ATXN3: variants seen among roughly 807,000 people sequenced by gnomAD.
The protein encoded by ATXN3 is ataxin 3, also known as ataxin-3.
In ATXN3, 28 loss-of-function variants were observed where a neutral mutation model predicts 58.2. That is an observed-to-expected ratio of 0.48 (90% CI 0.36 to 0.66). The LOEUF is 0.66. ATXN3 is among the 30% of genes least tolerant of loss of function. The pLI, the probability that ATXN3 is intolerant of heterozygous loss-of-function variation, is 0.00. For missense variants in ATXN3, 321 were observed against 422.1 expected (o/e 0.76, Z 2.10); for synonymous variants, 113 against 138.5 (o/e 0.82, Z 1.29).
Position 92,093,254 on chromosome 14 carries a change from G to T in ATXN3, c.385C>A (p.Gln129Lys), listed in dbSNP as rs1431792437. 4.7e-6 allele frequency: 7 copies of T among 1,491,050 alleles called. No homozygotes were observed. Among genetic ancestry groups the T allele is most frequent in the Non-Finnish European group, 6.5e-6 (7 of 1,080,204 alleles). 92.4% of individuals were successfully genotyped at this position (1,491,050 alleles called of 1,614,324 possible). ...HWFTVRKLGK[Q>K]WFNLNSLLTG... ...CAAGGAAGGGTAAGAAATGTTACCTGTTTTCCTAATTTTCTAACTGTAAAC... is the reference window on the plus strand; with the variant it reads ...CAAGGAAGGGTAAGAAATGTTACCTTTTTTCCTAATTTTCTAACTGTAAAC... The change falls in exon 5 of 11, where the codon CAG becomes AAG. Residue 129 changes from glutamine (Q) to lysine (K), a missense_variant and splice_region_variant. Transcript: ENST00000644486.
At chr14:92,105,958 G>T (rs992255034) in intron 1 of ATXN3, among the ~76,000 whole-genome samples, 1 of 152,120 alleles carries the variant, frequency 6.6e-6, no homozygotes, top group East Asian at 1.9e-4. Context: ...CTTCCTAAAT[G>T]TCAGGCCCTA....
chr14:92,082,581 C>T, intron 7 of ATXN3, 115 bp from the exon 8 acceptor site: 1 of 960,344 alleles, frequency 1.0e-6, no homozygotes, highest in Non-Finnish European at 1.5e-6. Context: ...TGTTTTCTGG[C>T]AAATAAGCTC....
chr14:92,065,797 CG>C (rs2058285642), intron 10 of ATXN3, among the ~76,000 whole-genome samples: 1 of 152,114 alleles, frequency 6.6e-6, no homozygotes, highest in African/African-American at 2.4e-5. Flanking sequence ...AGGAGAATGG[CG>C]TGAACCCGGG....
At position 92,096,766 on chromosome 14, in the gene ATXN3, A is replaced by G. The variant is rs1384473668; in HGVS notation, c.97T>C (p.Leu33=). 1 of 1,614,078 alleles carries G rather than the reference A, an allele frequency of 6.2e-7. No individual in the cohort carries two copies. The highest frequency in any genetic ancestry group is 1.3e-5 in the African/African-American group (1 of 75,056). The change falls in exon 2 of 11, where the codon TTA becomes CTA. Residue 33 remains leucine, a synonymous_variant. Coordinates refer to ENST00000644486, the MANE Select transcript of ATXN3 (RefSeq NM_004993.6). ...TCCAGCTGATGTGCAATTGAGGATA[A>G]TTCCACAGGGCTAAAATATTCTCCT... ...LQGEYFSPVE[L]SSIAHQLDEE...
intron 1 of ATXN3, among the ~76,000 whole-genome samples, chr14:92,048,376 G>A (rs893541375): frequency 2.6e-5 from 4 of 152,194 alleles, no homozygotes; most frequent in Admixed American, 2.6e-4. Flanking sequence ...CCTGTTGTGG[G>A]GTTTGAGGGC....
At chr14:92,045,427 G>A (rs1330412055) in intron 2 of ATXN3, among the ~76,000 whole-genome samples, 1 of 152,194 alleles carries the variant, frequency 6.6e-6, no homozygotes, top group Non-Finnish European at 1.5e-5. Flanking sequence ...CTCAGACCCT[G>A]TGGGAAAGGC....
chr14:92,106,377 G>C, intron 1 of ATXN3, 152 bp downstream of exon 1: 1 of 962,642 alleles, frequency 1.0e-6, no homozygotes, highest in Non-Finnish European at 1.6e-6. Context: ...TCCTCGAGCC[G>C]AGGAGGCGGG....
rs1217789796 is a variant in ATXN3 at position 92,058,827 on chromosome 14, T to A, written c.*5493A>T. The stretch of plus-strand genomic sequence containing the variant: ...CAACAATGCTTTTTGTTTCAGATAT[T>A]TTCTGTACTTGAATTTCAAATATTT... On this transcript the variant is annotated 3_prime_UTR_variant, in exon 11 of 11. Coordinates refer to ENST00000644486, the MANE Select transcript of ATXN3 (RefSeq NM_004993.6). 1.3e-5 allele frequency: 2 copies of A among 152,204 alleles called. No individual in the cohort carries two copies. Among genetic ancestry groups the A allele is most frequent in the African/African-American group, 4.8e-5 (2 of 41,450 alleles). 9.4% of individuals were successfully genotyped at this position (152,204 alleles called of 1,614,324 possible). A position where few individuals can be genotyped will look rare whatever the true frequency, so the allele number is the denominator to read the frequency against.
At chr14:92,048,335 T>C (rs889054297) in intron 1 of ATXN3, among the ~76,000 whole-genome samples, 6 of 152,220 alleles carry the variant, frequency 3.9e-5, no homozygotes, top group Admixed American at 1.3e-4. Context: ...TACTCTATTA[T>C]TGTACACCTT....
At chr14:92,091,450 C>CA (rs71952634) in intron 5 of ATXN3, among the ~76,000 whole-genome samples, 2 of 82,714 alleles carry the variant, frequency 2.4e-5, no homozygotes, top group African/African-American at 1.1e-4. Context: ...GAATCCGTCT[C>CA]AAAAGAAGGA....
At chr14:92,053,799 T>G (rs2057456326), downstream of ATXN3, among the ~76,000 whole-genome samples, 1 of 151,946 alleles carries the variant, frequency 6.6e-6, no homozygotes, top group African/African-American at 2.4e-5. Flanking sequence ...AAACCCAGCC[T>G]CCTTTCTCTT....
At chr14:92,087,864 C>T (rs2062935352) in intron 6 of ATXN3, among the ~76,000 whole-genome samples, 1 of 152,122 alleles carries the variant, frequency 6.6e-6, no homozygotes, top group Non-Finnish European at 1.5e-5. Context: ...CTGGTAATAG[C>T]TAAGCAAGAG....
At chr14:92,045,873 G>A (rs1359531359) in intron 2 of ATXN3, among the ~76,000 whole-genome samples, 3 of 152,188 alleles carry the variant, frequency 2.0e-5, no homozygotes, top group South Asian at 2.1e-4. Flanking sequence ...AAAACTGGCC[G>A]TGAGGGACAG....
rs1419988800 is a variant in ATXN3, at chr14:92,062,682, GAA to G, written c.*1636_*1637del. 6.6e-6 allele frequency: 1 copy of G among 152,264 alleles called. No individual in the cohort carries two copies. Among genetic ancestry groups the G allele is most frequent in the Non-Finnish European group, 1.5e-5 (1 of 67,988 alleles). The allele number at this position is 152,264 out of a possible 1,614,324, so 9.4% of individuals were successfully genotyped here. On this transcript the variant is annotated 3_prime_UTR_variant, in exon 11 of 11. Transcript: ENST00000644486. ...AATAAAGCTATCCTTTTGTGTAAGG[GAA>G]ACTTCAGAAAACTGATTGGCACAAA... is the stretch of plus-strand genomic sequence containing the variant.
chr14:92,102,978 CATCTTTTCA>C (rs1186854567), intron 1 of ATXN3, among the ~76,000 whole-genome samples: 2 of 152,228 alleles, frequency 1.3e-5, no homozygotes, highest in East Asian at 3.9e-4. Context: ...CAATGCTCAG[CATCTTTTCA>C]ATCTTTTCAA....
At chr14:92,050,825 GCTGGT>G, upstream of ATXN3, among the ~76,000 whole-genome samples, 1 of 152,102 alleles carries the variant, frequency 6.6e-6, no homozygotes, top group South Asian at 2.1e-4. Context: ...TAATTTTTTG[GCTGGT>G]CTCAAACTCC....
At position 92,096,004 on chromosome 14, in the gene ATXN3, A is replaced by G. The variant is rs377182886; in HGVS notation, c.234+89T>C. On this transcript the variant is annotated intron_variant, in intron 3 of 10. Coordinates refer to ENST00000644486, the MANE Select transcript of ATXN3 (RefSeq NM_004993.6). ...TACTCTGTAGACAGAAGAACTTCCG[A>G]AGGTCGCCTTGTTACAGTGACTATT... 16 of 1,077,750 alleles carry G rather than the reference A, an allele frequency of 1.5e-5. No homozygotes were observed. In the African/African-American group the frequency reaches 2.5e-4, roughly 17 times the overall value. The allele number at this position is 1,077,750 out of a possible 1,614,324, so 66.8% of individuals were successfully genotyped here.
intron 9 of ATXN3, among the ~76,000 whole-genome samples, chr14:92,071,859 T>G (rs1440522996): frequency 6.6e-6 from 1 of 152,226 alleles, no homozygotes; most frequent in Non-Finnish European, 1.5e-5. Context: ...AGTAGCCACC[T>G]GACATTCCCA....
At chr14:92,080,714 T>A in intron 9 of ATXN3, 1 of 422,186 alleles carries the variant, frequency 2.4e-6, no homozygotes, top group Non-Finnish European at 4.6e-6. Context: ...TTTTGTATTT[T>A]TAGTAGAGAT....
Sources: allele counts gnomAD v4.1 joint callset (sites outside exome capture counted in the v4.1 genomes callset), GRCh38; gene constraint gnomAD v4.1.1; transcripts MANE v1.5; gene names NCBI Gene and HGNC (gene_info 2026-07-23, HGNC 2026-07-21).